NTRK2: variants seen among roughly 807,000 people sequenced by gnomAD.
NTRK2 encodes the protein neurotrophic receptor tyrosine kinase 2, also known as BDNF/NT-3 growth factors receptor.
NTRK2 carries 13 observed loss-of-function variants against 94.5 expected under a neutral mutation model. That is an observed-to-expected ratio of 0.14 (90% CI 0.09 to 0.22). NTRK2 has a LOEUF of 0.22. Among genes scored for constraint, NTRK2 ranks in the 10% least tolerant of loss-of-function variants. The pLI, the probability that NTRK2 is intolerant of heterozygous loss-of-function variation, is 1.00. For synonymous variants in NTRK2, 372 were observed against 407.4 expected, an observed-to-expected ratio of 0.91 and a Z score of 1.05; for missense variants, 639 against 1,071.2, an observed-to-expected ratio of 0.60 and a Z score of 5.63.
intron 14 of NTRK2, among the ~76,000 whole-genome samples, chr9:84,899,725 A>C (rs2076870766): frequency 6.6e-6 from 1 of 152,284 alleles, no homozygotes; most frequent in South Asian, 2.1e-4. Flanking sequence ...GAAGAGAGAC[A>C]GGAAGAAAAA....
At chr9:84,902,359 C>T (rs2076956636) in intron 14 of NTRK2, among the ~76,000 whole-genome samples, 1 of 151,982 alleles carries the variant, frequency 6.6e-6, no homozygotes, top group African/African-American at 2.4e-5. Flanking sequence ...CCCATGCATG[C>T]TGTAAGAATG....
intron 12 of NTRK2, among the ~76,000 whole-genome samples, chr9:84,832,921 C>A (rs994398108): frequency 4.7e-4 from 71 of 152,194 alleles, no homozygotes; most frequent in African/African-American, 1.7e-3. Context: ...CACCCCCGCA[C>A]CTGGATAGAT....
intron 11 of NTRK2, among the ~76,000 whole-genome samples, chr9:84,750,464 GATA>G (rs1301862784): frequency 4.6e-5 from 7 of 152,190 alleles, no homozygotes; most frequent in Admixed American, 3.9e-4. Context: ...TATGGATAGG[GATA>G]ATAATATCCA....
At chr9:84,804,195 T>G (rs538789073) in intron 12 of NTRK2, among the ~76,000 whole-genome samples, 1 of 152,134 alleles carries the variant, frequency 6.6e-6, no homozygotes, top group Non-Finnish European at 1.5e-5. Context: ...GGAGGCTTAT[T>G]ATCTCTATTT....
intron 17 of NTRK2, among the ~76,000 whole-genome samples, chr9:84,984,630 G>A (rs924515011): frequency 6.6e-6 from 1 of 152,234 alleles, no homozygotes; most frequent in Non-Finnish European, 1.5e-5. Flanking sequence ...GGGGACCACA[G>A]GCTAAGAAGC....
At chr9:84,849,702 A>G (rs1313717954) in intron 12 of NTRK2, among the ~76,000 whole-genome samples, 1 of 152,198 alleles carries the variant, frequency 6.6e-6, no homozygotes, top group African/African-American at 2.4e-5. Context: ...TCAGAGTGGG[A>G]TGGAACTATG....
rs553825101 is a variant in NTRK2, at chr9:84,832,952, C to T, written c.1397-28088C>T. Among the ~76,000 whole-genome samples, 418 of 152,246 alleles carry T rather than the reference C, an allele frequency of 2.7e-3. 2 individuals are homozygous for T. Among genetic ancestry groups the T allele is most frequent in the African/African-American group, 9.6e-3 (398 of 41,546 alleles). On this transcript the variant is annotated intron_variant, in intron 12 of 18. Transcript: ENST00000277120. ...TAGATTGGATGCGGGCACTCCTGCA[C>T]ACTCTATGGAGCCTTGAGAAGGCCG...
chr9:84,789,310 C>A (rs1021110286), intron 12 of NTRK2, among the ~76,000 whole-genome samples: 1 of 152,182 alleles, frequency 6.6e-6, no homozygotes, highest in Non-Finnish European at 1.5e-5. Flanking sequence ...TGCTGGGGAA[C>A]AGCCAGAAGC....
intron 14 of NTRK2, among the ~76,000 whole-genome samples, chr9:84,881,292 C>A (rs1276392806): frequency 6.6e-6 from 1 of 151,956 alleles, no homozygotes; most frequent in African/African-American, 2.4e-5. Context: ...GGGGAGGGGA[C>A]AACAAGGGTA....
intron 12 of NTRK2, among the ~76,000 whole-genome samples, chr9:84,772,983 A>T (rs574893763): frequency 2.2e-4 from 34 of 152,204 alleles, no homozygotes; most frequent in Non-Finnish European, 4.0e-4. Context: ...GAATTTAGTG[A>T]TTGGTAACAA....
In NTRK2 at chr9:84,745,038, G is replaced by T; in HGVS notation, c.1261G>T (p.Asp421Tyr). The T allele has an allele frequency of 6.2e-7, 1 of 1,613,828 alleles. No individual in the cohort carries two copies. The highest frequency in any genetic ancestry group is 8.5e-7 in the Non-Finnish European group (1 of 1,179,938). Reference sequence around the variant, plus strand: ...CAGAAGTAATGAAATCCCTTCCACAGACGTCACTGATAAAACCGGTCGGGA... The same window carrying T: ...CAGAAGTAATGAAATCCCTTCCACATACGTCACTGATAAAACCGGTCGGGA... Reference protein sequence around the residue: ...TNRSNEIPSTDVTDKTGREHL... With the variant: ...TNRSNEIPSTYVTDKTGREHL... Residue 421 changes from aspartate to tyrosine, a missense_variant, in exon 11 of 19, where the codon GAC becomes TAC. This residue lies in a region of NTRK2 where 343 missense variants were observed against 571.5 expected (regional missense o/e 0.60). Coordinates refer to ENST00000277120, the MANE Select transcript of NTRK2 (RefSeq NM_006180.6).
intron 14 of NTRK2, chr9:84,872,950 G>T: frequency 9.4e-7 from 1 of 1,064,998 alleles, no homozygotes. Context: ...GGCTGGAGGT[G>T]ATATTTTTCA....
At chr9:84,888,649 A>AAAAAT (rs2076494237) in intron 14 of NTRK2, among the ~76,000 whole-genome samples, 4 of 141,186 alleles carry the variant, frequency 2.8e-5, no homozygotes, top group African/African-American at 5.3e-5. Flanking sequence ...AAAAAAAAAA[A>AAAAAT]GTGGCAGAGA....
At chr9:84,770,346 T>C (rs562816916) in intron 12 of NTRK2, among the ~76,000 whole-genome samples, 1 of 152,300 alleles carries the variant, frequency 6.6e-6, no homozygotes, top group African/African-American at 2.4e-5. Flanking sequence ...TTACAAGTTC[T>C]CTGCAGGATC....
intron 17 of NTRK2, among the ~76,000 whole-genome samples, chr9:84,991,763 G>A (rs1829100412): frequency 6.6e-6 from 1 of 152,198 alleles, no homozygotes; most frequent in African/African-American, 2.4e-5. Flanking sequence ...TTAGTATGCA[G>A]GGCCAGTGCC....
chr9:84,876,523 A>G, intron 14 of NTRK2: 1 of 1,056,174 alleles, frequency 9.5e-7, no homozygotes, highest in Non-Finnish European at 1.1e-6. Context: ...ACCCAGGATC[A>G]GAACTCATGT....
At chr9:84,936,802 C>T (rs191802476) in intron 15 of NTRK2, among the ~76,000 whole-genome samples, 1 of 152,256 alleles carries the variant, frequency 6.6e-6, no homozygotes, top group East Asian at 1.9e-4. Flanking sequence ...ACTAAAAATT[C>T]ATTCTAACTT....
chr9:84,931,811 A>C (rs980152156), intron 14 of NTRK2, among the ~76,000 whole-genome samples: 1 of 152,050 alleles, frequency 6.6e-6, no homozygotes, highest in African/African-American at 2.4e-5. Flanking sequence ...TTCCCAATGA[A>C]CATGTGACAA....
At chr9:84,715,832 T>A (rs1224217970) in intron 6 of NTRK2, among the ~76,000 whole-genome samples, 5 of 152,196 alleles carry the variant, frequency 3.3e-5, no homozygotes, top group African/African-American at 9.6e-5. Flanking sequence ...CAGCAGTTAG[T>A]CTTGCAGTAG....
Sources: gnomAD v4.1 joint callset for allele counts (sites outside exome capture counted in the v4.1 genomes callset) on GRCh38, gnomAD v4.1.1 for gene constraint, gnomAD v4.1.1 regional missense constraint, MANE v1.5 for transcripts, NCBI Gene and HGNC (gene_info 2026-07-23, HGNC 2026-07-21) for gene names.